The following SMAD9 variants were observed in gnomAD, a reference collection of about 807,000 sequenced individuals.
SMAD9 encodes SMAD family member 9.
In SMAD9, 36 loss-of-function variants were observed where a neutral mutation model predicts 46.1. That is an observed-to-expected ratio of 0.78 (90% CI 0.60 to 1.03). The LOEUF is 1.03. SMAD9 is among the 50% of genes least tolerant of loss of function. The pLI, the probability that SMAD9 is intolerant of heterozygous loss-of-function variation, is 0.00. For missense variants in SMAD9, 572 were observed against 599.8 expected (o/e 0.95, Z 0.48); for synonymous variants, 245 against 237.1 (o/e 1.03, Z -0.31).
intron 5 of SMAD9, among the ~76,000 whole-genome samples, chr13:36,857,983 T>C (rs986402768): frequency 2.0e-5 from 3 of 152,198 alleles, no homozygotes; most frequent in Non-Finnish European, 4.4e-5. Context: ...TATTATTTCT[T>C]ATATAGTTAG....
chr13:36,871,700 T>C (rs1239732856), intron 3 of SMAD9, among the ~76,000 whole-genome samples: 2 of 152,170 alleles, frequency 1.3e-5, no homozygotes, highest in African/African-American at 4.8e-5. Flanking sequence ...ACAAATATAA[T>C]AGATGCTTAT....
At chr13:36,917,705 CTG>C (rs2058709363) in intron 1 of SMAD9, among the ~76,000 whole-genome samples, 1 of 152,180 alleles carries the variant, frequency 6.6e-6, no homozygotes, top group African/African-American at 2.4e-5. Flanking sequence ...AGAGTACATC[CTG>C]TGGATAAGGA....
At chr13:36,902,097 A>G (rs2058581234) in intron 1 of SMAD9, among the ~76,000 whole-genome samples, 1 of 152,010 alleles carries the variant, frequency 6.6e-6, no homozygotes. Flanking sequence ...TTTTCTTCTA[A>G]AAGTTTATGG....
chr13:36,887,040 G>GTTT (rs200264324), intron 1 of SMAD9, among the ~76,000 whole-genome samples: 1,785 of 102,482 alleles, frequency 0.017, 86 homozygotes, highest in Non-Finnish European at 0.021. Context: ...CTTTGAATGG[G>GTTT]TTTTTTTTTT....
At chr13:36,876,611 T>C (rs916485039) in intron 2 of SMAD9, among the ~76,000 whole-genome samples, 11 of 152,198 alleles carry the variant, frequency 7.2e-5, no homozygotes, top group Admixed American at 2.0e-4. Context: ...AAAGTGTTCG[T>C]TTGAAGGACT....
chr13:36,861,858 G>A (rs1171942008), intron 5 of SMAD9, among the ~76,000 whole-genome samples: 4 of 151,708 alleles, frequency 2.6e-5, no homozygotes, highest in Non-Finnish European at 5.9e-5. Context: ...GAACCCTGGA[G>A]GCAGAGGTTG....
chr13:36,915,564 A>AG (rs556699491), intron 1 of SMAD9, among the ~76,000 whole-genome samples: 2 of 152,056 alleles, frequency 1.3e-5, no homozygotes, highest in African/African-American at 2.4e-5. Context: ...AGAGAGAGAG[A>AG]AGATTTTGAT....
At chr13:36,881,337 G>A (rs940760029) in intron 1 of SMAD9, among the ~76,000 whole-genome samples, 1 of 152,216 alleles carries the variant, frequency 6.6e-6, no homozygotes, top group Non-Finnish European at 1.5e-5. Context: ...TGGAATCGAT[G>A]TAGCTTATAA....
chr13:36,886,466 A>C (rs996086736), intron 1 of SMAD9, among the ~76,000 whole-genome samples: 2 of 152,240 alleles, frequency 1.3e-5, no homozygotes, highest in Non-Finnish European at 2.9e-5. Context: ...AGGGGCATGA[A>C]GCACAACAGA....
intron 4 of SMAD9, 22 bp from the exon 5 acceptor site, chr13:36,865,780 A>G: frequency 7.0e-6 from 11 of 1,578,406 alleles, no homozygotes; most frequent in Non-Finnish European, 9.6e-6. Context: ...CAAACCAGAG[A>G]ACACATGGCT....
rs535124404 is a variant in SMAD9 at position 36,852,010 on chromosome 13, G to T, written c.1260+1409C>A. The T allele has an allele frequency of 9.2e-6, 9 of 980,784 alleles. No homozygotes were observed. The South Asian group carries it at 1.4e-4, about 15-fold the overall frequency. The allele number at this position is 980,784 out of a possible 1,614,324, so 60.8% of individuals were successfully genotyped here. On this transcript the variant is annotated intron_variant, in intron 6 of 6. Coordinates refer to ENST00000379826, the MANE Select transcript of SMAD9 (RefSeq NM_001127217.3). ...TATGATTCAAATGATGCCCTCTGCCGTTTCTAAAGCAACAGAACATTTGAA... is the reference window on the plus strand; with the variant it reads ...TATGATTCAAATGATGCCCTCTGCCTTTTCTAAAGCAACAGAACATTTGAA...
Position 36,845,092 on chromosome 13 carries a change from G to T in SMAD9, c.*3584C>A, listed in dbSNP as rs541193305. 3.0e-5 allele frequency: 4 copies of T among 133,768 alleles called. No homozygotes were observed. Among genetic ancestry groups the T allele is most frequent in the African/African-American group, 1.2e-4 (4 of 33,336 alleles). 8.3% of individuals were successfully genotyped at this position (133,768 alleles called of 1,614,324 possible). On this transcript the variant is annotated 3_prime_UTR_variant, in exon 7 of 7. Transcript: ENST00000379826. ...CATGTTATATTTTGCTTTATTTGTT[G>T]AATATATATGTGTGTGTGTGTGTAT... is the stretch of plus-strand genomic sequence containing the variant.
chr13:36,871,286 G>A (rs926969208), intron 3 of SMAD9, among the ~76,000 whole-genome samples: 1 of 152,218 alleles, frequency 6.6e-6, no homozygotes, highest in African/African-American at 2.4e-5. Context: ...GGGAGGCCGA[G>A]GTGGGCAGAT....
chr13:36,862,433 G>A (rs1159699156), intron 5 of SMAD9, among the ~76,000 whole-genome samples: 1 of 152,100 alleles, frequency 6.6e-6, no homozygotes, highest in Non-Finnish European at 1.5e-5. Flanking sequence ...GCATCAGCAT[G>A]CTAAAAGACA....
chr13:36,897,607 CTAAA>C (rs1311698227), intron 1 of SMAD9, among the ~76,000 whole-genome samples: 1 of 152,010 alleles, frequency 6.6e-6, no homozygotes, highest in Non-Finnish European at 1.5e-5. Flanking sequence ...TAACATCTTC[CTAAA>C]TAAAAAATAA....
rs1555247350 is a variant in SMAD9, at chr13:36,920,184, AGCAGCGGCG to A, written c.-264_-256del. On this transcript the variant is annotated 5_prime_UTR_variant, in exon 1 of 7. Coordinates refer to ENST00000379826, the MANE Select transcript of SMAD9 (RefSeq NM_001127217.3). ...CGGCGGGGACCGAGACAGCGGCTGC[AGCAGCGGCG>A]GCGGCGGCGGCGGCGGCGGCGGCCC... 0.018 allele frequency: 1,300 copies of A among 73,118 alleles called. 23 individuals are homozygous for A. The highest frequency in any genetic ancestry group is 0.039 in the African/African-American group (1,222 of 31,602). The allele number at this position is 73,118 out of a possible 1,614,324, so 4.5% of individuals were successfully genotyped here.
intron 6 of SMAD9, chr13:36,851,835 A>T (rs2058077212): frequency 1.0e-6 from 1 of 981,706 alleles, no homozygotes; most frequent in Non-Finnish European, 1.2e-6. Flanking sequence ...TTATGAATGT[A>T]AATGCTGCCT....
At chr13:36,888,389 T>C (rs984066515) in intron 1 of SMAD9, among the ~76,000 whole-genome samples, 3 of 152,192 alleles carry the variant, frequency 2.0e-5, no homozygotes, top group Non-Finnish European at 4.4e-5. Context: ...GCGATGATTG[T>C]AAATTTCCCT....
At chr13:36,866,235 G>A (rs552393433) in intron 4 of SMAD9, among the ~76,000 whole-genome samples, 19 of 150,332 alleles carry the variant, frequency 1.3e-4, no homozygotes, top group African/African-American at 4.6e-4. Context: ...GTTTGACTAT[G>A]ATAAAAAGCA....
Sources: gnomAD v4.1 joint callset for allele counts (sites outside exome capture counted in the v4.1 genomes callset) on GRCh38, gnomAD v4.1.1 for gene constraint, MANE v1.5 for transcripts, NCBI Gene and HGNC (gene_info 2026-07-23, HGNC 2026-07-21) for gene names.